STXBP5L: variants seen among roughly 807,000 people sequenced by gnomAD.
STXBP5L encodes the protein syntaxin binding protein 5L.
STXBP5L carries 65 observed loss-of-function variants against 144.5 expected under a neutral mutation model. That is an observed-to-expected ratio of 0.45 (90% CI 0.37 to 0.55). STXBP5L has a LOEUF of 0.55. Among genes scored for constraint, STXBP5L ranks in the 20% least tolerant of loss-of-function variants. The pLI, the probability that STXBP5L is intolerant of heterozygous loss-of-function variation, is 0.00. For missense variants in STXBP5L, 1,298 were observed against 1,405.5 expected, an observed-to-expected ratio of 0.92 and a Z score of 1.22; for synonymous variants, 505 against 469.6, an observed-to-expected ratio of 1.08 and a Z score of -0.97.
chr3:121,327,598 G>A (rs2044191383), intron 20 of STXBP5L, among the ~76,000 whole-genome samples: 1 of 152,164 alleles, frequency 6.6e-6, no homozygotes, highest in Non-Finnish European at 1.5e-5. Context: ...AACTAGGTAA[G>A]TGATTAACCC....
chr3:121,322,668 T>G (rs1176136621), intron 20 of STXBP5L, among the ~76,000 whole-genome samples: 2 of 146,564 alleles, frequency 1.4e-5, no homozygotes, highest in Non-Finnish European at 3.0e-5. Context: ...TATTTCTTTT[T>G]GTGTGTGTGT....
At chr3:120,949,880 T>G (rs1711091217) in intron 2 of STXBP5L, among the ~76,000 whole-genome samples, 1 of 152,064 alleles carries the variant, frequency 6.6e-6, no homozygotes, top group African/African-American at 2.4e-5. Flanking sequence ...TTTCTTTAAC[T>G]GTCTTTGATG....
intron 5 of STXBP5L, among the ~76,000 whole-genome samples, chr3:121,062,922 G>A (rs936163667): frequency 2.0e-5 from 3 of 151,984 alleles, no homozygotes; most frequent in African/African-American, 4.8e-5. Context: ...TTTTTTCTAG[G>A]TTCTTAGCTT....
chr3:121,050,701 A>T (rs1040834015), intron 5 of STXBP5L, among the ~76,000 whole-genome samples: 1 of 152,232 alleles, frequency 6.6e-6, no homozygotes, highest in Non-Finnish European at 1.5e-5. Context: ...ACCAGCTAAC[A>T]TCATAATGAC....
chr3:120,933,981 T>C (rs1399050340), intron 2 of STXBP5L, among the ~76,000 whole-genome samples: 1 of 152,036 alleles, frequency 6.6e-6, no homozygotes, highest in Non-Finnish European at 1.5e-5. Flanking sequence ...CCACCAATCA[T>C]TTTCTTCTTG....
intron 20 of STXBP5L, among the ~76,000 whole-genome samples, chr3:121,343,875 C>G (rs1405596111): frequency 4.6e-5 from 7 of 152,064 alleles, no homozygotes; most frequent in Non-Finnish European, 1.5e-5. Context: ...CAATGACTTT[C>G]TTCACAAAAT....
At chr3:121,239,204 A>G (rs1479265753) in intron 13 of STXBP5L, 86 bp downstream of exon 13, 15 of 721,630 alleles carry the variant, frequency 2.1e-5, no homozygotes, top group Non-Finnish European at 2.9e-5. Flanking sequence ...CTTACATTCC[A>G]TATAGGAGGA....
chr3:120,995,344 CCCTATGTCAA>C (rs1943256411), intron 3 of STXBP5L, among the ~76,000 whole-genome samples: 1 of 151,956 alleles, frequency 6.6e-6, no homozygotes, highest in South Asian at 2.1e-4. Context: ...TGTAGGGTTT[CCCTATGTCAA>C]CCAGGCTGAT....
At chr3:121,112,239 T>A (rs1319194108) in intron 5 of STXBP5L, among the ~76,000 whole-genome samples, 1 of 152,058 alleles carries the variant, frequency 6.6e-6, no homozygotes, top group Non-Finnish European at 1.5e-5. Flanking sequence ...CCGCCAAGAA[T>A]CTGCACAGCT....
At chr3:121,350,693 A>C (rs1459410064) in intron 20 of STXBP5L, among the ~76,000 whole-genome samples, 1 of 151,742 alleles carries the variant, frequency 6.6e-6, no homozygotes, top group African/African-American at 2.4e-5. Context: ...TTCTCTTCTC[A>C]CTTCATTTCA....
chr3:121,002,610 C>G (rs960525939), intron 3 of STXBP5L, among the ~76,000 whole-genome samples: 2 of 151,842 alleles, frequency 1.3e-5, no homozygotes, highest in Admixed American at 1.3e-4. Flanking sequence ...CAATCATTAC[C>G]AAGATCAGTA....
intron 5 of STXBP5L, among the ~76,000 whole-genome samples, chr3:121,078,040 C>G (rs548663545): frequency 1.4e-4 from 18 of 128,068 alleles, no homozygotes; most frequent in Non-Finnish European, 2.5e-4. Flanking sequence ...TTGGTGTGTT[C>G]ACAAACCTTG....
chr3:121,036,771 G>GTTTTT (rs1946780878), intron 3 of STXBP5L, among the ~76,000 whole-genome samples: 1 of 72,422 alleles, frequency 1.4e-5, no homozygotes, highest in African/African-American at 5.5e-5. Context: ...TACATTGATT[G>GTTTTT]ATTTTTTTTT....
chr3:121,331,694 C>T (rs1163737393), intron 20 of STXBP5L, among the ~76,000 whole-genome samples: 1 of 152,176 alleles, frequency 6.6e-6, no homozygotes, highest in Non-Finnish European at 1.5e-5. Flanking sequence ...CTCTCCCCAA[C>T]ATTGGGTATT....
chr3:121,124,121 C>G (rs1268311621), intron 7 of STXBP5L, among the ~76,000 whole-genome samples: 2 of 151,864 alleles, frequency 1.3e-5, no homozygotes, highest in East Asian at 3.9e-4. Flanking sequence ...ATACACCTCA[C>G]TCATATATCA....
intron 2 of STXBP5L, among the ~76,000 whole-genome samples, chr3:120,911,770 A>C (rs470537): frequency 1.2e-4 from 18 of 151,934 alleles, no homozygotes; most frequent in African/African-American, 4.1e-4. Context: ...AAATACTGTA[A>C]CATCTTTGGA....
Position 121,257,282 on chromosome 3 carries a change from C to T in STXBP5L, c.1781C>T (p.Thr594Ile). 1 of 1,613,674 alleles carries T rather than the reference C, an allele frequency of 6.2e-7. No homozygotes were observed. Among genetic ancestry groups the T allele is most frequent in the Non-Finnish European group, 8.5e-7 (1 of 1,179,694 alleles). ...TCTTCAAGGAGTCTTTCTGGGAGCA[C>T]TAACACTGTTGCTAGTGAAGGAGTA... ...LPSSRSLSGS[T>I]NTVASEGVTK... The change falls in exon 17 of 27, where the codon ACT (threonine) becomes ATT (isoleucine). Residue 594 changes from threonine to isoleucine, a missense_variant. By Grantham distance (89) the Thr-to-Ile change is moderately conservative. Coordinates refer to ENST00000471454, the MANE Select transcript of STXBP5L (RefSeq NM_001308330.2).
intron 11 of STXBP5L, among the ~76,000 whole-genome samples, chr3:121,233,177 A>C (rs2049361894): frequency 6.6e-6 from 1 of 152,216 alleles, no homozygotes; most frequent in Non-Finnish European, 1.5e-5. Context: ...TATTATAAGC[A>C]GTGTTGCTCT....
chr3:120,919,004 A>G (rs1709238458), intron 2 of STXBP5L, among the ~76,000 whole-genome samples: 1 of 152,130 alleles, frequency 6.6e-6, no homozygotes, highest in African/African-American at 2.4e-5. Flanking sequence ...AGGAATGGGA[A>G]AAAGAATATT....
Sources: gnomAD v4.1 joint callset for allele counts (sites outside exome capture counted in the v4.1 genomes callset) on GRCh38, gnomAD v4.1.1 for gene constraint, MANE v1.5 for transcripts, NCBI Gene and HGNC (gene_info 2026-07-23, HGNC 2026-07-21) for gene names.